PHYKPL: variants seen among roughly 807,000 people sequenced by gnomAD.
PHYKPL encodes 5-phosphohydroxy-L-lysine phospho-lyase, also known as 5-phosphonooxy-L-lysine phospho-lyase.
PHYKPL carries 42 observed loss-of-function variants against 51.3 expected under a neutral mutation model. That is an observed-to-expected ratio of 0.82 (90% CI 0.64 to 1.06). The LOEUF (loss-of-function observed/expected upper bound fraction) is 1.06, where lower values mean the gene tolerates loss of function less well. Among genes scored for constraint, PHYKPL ranks in the 50% least tolerant of loss-of-function variants. The pLI is 0.00. For missense variants in PHYKPL, 655 were observed against 586.6 expected (o/e 1.12, Z -1.20); for synonymous variants, 264 against 236.0 (o/e 1.12, Z -1.09).
chr5:178,231,370 T>G (rs1333433173), intron 2 of PHYKPL, 35 bp downstream of exon 2: 1 of 1,614,012 alleles, frequency 6.2e-7, no homozygotes, highest in Non-Finnish European at 8.5e-7. Flanking sequence ...ACTGCCTTCC[T>G]CTCCTGCCCT....
chr5:178,220,252 G>C (rs1760882062), intron 8 of PHYKPL, among the ~76,000 whole-genome samples: 2 of 149,160 alleles, frequency 1.3e-5, no homozygotes, highest in Middle Eastern at 3.7e-3. Context: ...TAATCCCAGT[G>C]CTTTGGGAGG....
At chr5:178,212,847 C>T (rs1470439293) in intron 11 of PHYKPL, 126 bp downstream of exon 11, 41 of 1,334,042 alleles carry the variant, frequency 3.1e-5, no homozygotes, top group Non-Finnish European at 4.0e-5. Flanking sequence ...GCTCCCTGCC[C>T]TGTCCAGAGG....
chr5:178,210,347 G>A, intron 12 of PHYKPL: 1 of 1,602,270 alleles, frequency 6.2e-7, no homozygotes, highest in South Asian at 1.1e-5. Context: ...AGGAGCCACT[G>A]GCAGCAGGGG....
chr5:178,209,613 AGGCTGTT>A (rs1483978007), intron 12 of PHYKPL, among the ~76,000 whole-genome samples: 1 of 152,128 alleles, frequency 6.6e-6, no homozygotes, highest in Non-Finnish European at 1.5e-5. Flanking sequence ...TGTATGCTTG[AGGCTGTT>A]GCCTGCTGCT....
chr5:178,207,548 G>T (rs1036473356), downstream of PHYKPL, among the ~76,000 whole-genome samples: 4 of 152,142 alleles, frequency 2.6e-5, no homozygotes, highest in African/African-American at 9.7e-5. Flanking sequence ...CCAGGGGTAT[G>T]AAGCCTGCAG....
intron 6 of PHYKPL, 60 bp downstream of exon 6, chr5:178,224,388 C>A: frequency 1.4e-6 from 2 of 1,451,040 alleles, no homozygotes; most frequent in South Asian, 1.3e-5. Context: ...AGCACAGTGG[C>A]GGTGACAACG....
intron 11 of PHYKPL, 142 bp downstream of exon 11, chr5:178,212,831 T>TC (rs1470163391): frequency 8.4e-7 from 1 of 1,192,924 alleles, no homozygotes; most frequent in Non-Finnish European, 1.1e-6. Context: ...TGAAAGACCC[T>TC]CTCTTGCTCC....
In PHYKPL at chr5:178,210,126, C is replaced by T. The variant is rs375712767; in HGVS notation, c.*32-1211G>A. ...CACGGGCCCCTGTGCCCTGCTCCCC[C>T]CACAGGTCAGAGTCAGAGTTGGAAT... is the stretch of plus-strand genomic sequence containing the variant. On this transcript the variant is annotated intron_variant, in intron 12 of 12. Coordinates refer to ENST00000308158, the MANE Select transcript of PHYKPL (RefSeq NM_153373.4). 173 of 1,613,974 alleles carry T rather than the reference C, an allele frequency of 1.1e-4. 1 individual carries two copies. Among genetic ancestry groups the T allele is most frequent in the Non-Finnish European group, 1.4e-4 (163 of 1,179,986 alleles).
chr5:178,214,297 A>T (rs1759283048), intron 10 of PHYKPL, among the ~76,000 whole-genome samples: 1 of 152,154 alleles, frequency 6.6e-6, no homozygotes, highest in Non-Finnish European at 1.5e-5. Context: ...AAACCAGGGC[A>T]TTGGGACCGG....
intron 12 of PHYKPL, chr5:178,210,784 T>G (rs2113644949): frequency 1.5e-6 from 1 of 655,988 alleles, no homozygotes; most frequent in South Asian, 1.7e-5. Context: ...TGTTGACTAT[T>G]TCCAGAGCTC....
At chr5:178,217,006 G>A (rs1401556281) in intron 8 of PHYKPL, 1 of 152,192 alleles carries the variant, frequency 6.6e-6, no homozygotes, top group African/African-American at 2.4e-5. Flanking sequence ...GCAACAGAGT[G>A]AGACCCTGTA....
chr5:178,215,411 G>A lies in PHYKPL; in HGVS notation c.947C>T (p.Ser316Phe), dbSNP rs767643005. Residue 316 changes from serine to phenylalanine, a missense_variant, in exon 9 of 13, where the codon TCC (serine) becomes TTC (phenylalanine). Transcript: ENST00000308158. ...CAGGACGGCCAGCCCCACAGCGCAG[G>A]ACACTGGGCTGCCCCCAAACTGAGC... ...YFNTFGGSPV[S>F]CAVGLAVLNV... 6.7e-5 allele frequency: 108 copies of A among 1,612,316 alleles called. No homozygotes were observed. The highest frequency in any genetic ancestry group is 8.9e-5 in the Non-Finnish European group (105 of 1,179,234).
chr5:178,232,519 G>A lies in PHYKPL; in HGVS notation c.32C>T (p.Thr11Met). 1 of 1,326,892 alleles carries A rather than the reference G, an allele frequency of 7.5e-7. No individual in the cohort carries two copies. The highest frequency in any genetic ancestry group is 9.6e-7 in the Non-Finnish European group (1 of 1,046,230). The allele number at this position is 1,326,892 out of a possible 1,614,324, so 82.2% of individuals were successfully genotyped here. Residue 11 changes from threonine to methionine, a missense_variant, in exon 1 of 13, where the codon ACG becomes ATG. Physicochemically the swap from Thr to Met is moderately conservative, Grantham distance 81 (BLOSUM62 -1). Coordinates refer to ENST00000308158, the MANE Select transcript of PHYKPL (RefSeq NM_153373.4). MAADQRPKAD[T>M]LALRQRLISS... ...GATGAGCCGTTGCCTCAGGGCCAGC[G>A]TGTCGGCCTTCGGGCGCTGGTCTGC...
intron 10 of PHYKPL, among the ~76,000 whole-genome samples, chr5:178,214,023 G>T (rs189946816): frequency 1.2e-4 from 19 of 152,308 alleles, no homozygotes; most frequent in South Asian, 4.1e-4. Flanking sequence ...CTCCTGGGAG[G>T]GGGGTAGGAG....
At chr5:178,218,471 G>C (rs1455051384) in intron 8 of PHYKPL, among the ~76,000 whole-genome samples, 1 of 152,140 alleles carries the variant, frequency 6.6e-6, no homozygotes, top group Non-Finnish European at 1.5e-5. Flanking sequence ...CACAAGAATA[G>C]AGCCTTCATG....
intron 2 of PHYKPL, chr5:178,230,327 C>G (rs10055074): frequency 0.074 from 40,640 of 545,514 alleles, 1,841 homozygotes; most frequent in Admixed American, 0.13. Context: ...GCAGAAGAAC[C>G]CTGTCTAGAA....
intron 8 of PHYKPL, among the ~76,000 whole-genome samples, chr5:178,217,158 C>CA (rs1759969127): frequency 6.6e-6 from 1 of 151,034 alleles, no homozygotes; most frequent in South Asian, 2.1e-4. Context: ...TATTAAAAAT[C>CA]AATCAGAAAA....
At chr5:178,232,419 T>TGCGTGCGTCGTGCGTGCGC (rs1008081183) in intron 1 of PHYKPL, 73 bp downstream of exon 1, 12 of 1,359,994 alleles carry the variant, frequency 8.8e-6, no homozygotes, top group African/African-American at 8.2e-5. Context: ...AGTGCGTGCG[T>TGCGTGCGTCGTGCGTGCGC]GCGTGCGTCG....
chr5:178,214,894 G>A lies in PHYKPL; in HGVS notation c.1083-9C>T, dbSNP rs202021073. 6.2e-7 allele frequency: 1 copy of A among 1,612,928 alleles called. No homozygotes were observed. The highest frequency in any genetic ancestry group is 8.5e-7 in the Non-Finnish European group (1 of 1,179,814). ...TGAAGAGCCCAACACCCCTGCAAGG[G>A]AAGGTGACGACATCTCAGGAGGCCA... On this transcript the variant is annotated splice_polypyrimidine_tract_variant and intron_variant, in intron 9 of 12. Transcript: ENST00000308158.
Sources: gnomAD v4.1 joint callset for allele counts (sites outside exome capture counted in the v4.1 genomes callset) on GRCh38, gnomAD v4.1.1 for gene constraint, MANE v1.5 for transcripts, NCBI Gene and HGNC (gene_info 2026-07-23, HGNC 2026-07-21) for gene names.